Variants in ARB2A observed in about 807,000 individuals in gnomAD.
ARB2A encodes the protein ARB2 cotranscriptional regulator A, also known as cotranscriptional regulator ARB2A.
the ARB2A span, among the ~76,000 whole-genome samples, chr5:93,803,264 T>C: frequency 6.6e-6 from 1 of 152,196 alleles, no homozygotes; most frequent in Admixed American, 6.6e-5. Context: ...AAAAACATTA[T>C]ACATATAAAG....
chr5:93,801,913 T>G, the ARB2A span, among the ~76,000 whole-genome samples: 1 of 152,132 alleles, frequency 6.6e-6, no homozygotes, highest in East Asian at 1.9e-4. Flanking sequence ...ACAACCAAAA[T>G]TATAATTCAA....
At chr5:94,065,265 G>A in the ARB2A span, among the ~76,000 whole-genome samples, 2 of 152,308 alleles carry the variant, frequency 1.3e-5, no homozygotes, top group East Asian at 3.9e-4. Context: ...TGTAATCTCA[G>A]CACTTTGGGG....
chr5:93,883,792 C>A, the ARB2A span, among the ~76,000 whole-genome samples: 1 of 151,254 alleles, frequency 6.6e-6, no homozygotes, highest in African/African-American at 2.4e-5. Context: ...AAAAAGGTCA[C>A]CATAGGCCAA....
the ARB2A span, among the ~76,000 whole-genome samples, chr5:93,798,205 A>G: frequency 1.1e-3 from 174 of 152,226 alleles, no homozygotes; most frequent in Middle Eastern, 3.4e-3. Context: ...TGTGGGTGTC[A>G]TGATGAAATC....
the ARB2A span, among the ~76,000 whole-genome samples, chr5:93,831,299 T>TA: frequency 0.17 from 23,385 of 136,458 alleles, 2,417 homozygotes; most frequent in African/African-American, 0.28. Flanking sequence ...ACTCCGCTGC[T>TA]AAAAAAAAAA....
At chr5:94,071,567 A>C in the ARB2A span, among the ~76,000 whole-genome samples, 1 of 152,162 alleles carries the variant, frequency 6.6e-6, no homozygotes, top group African/African-American at 2.4e-5. Context: ...CCATTTAGAA[A>C]ATGGACAAAA....
chr5:93,881,706 A>C, the ARB2A span: 1 of 1,443,808 alleles, frequency 6.9e-7, no homozygotes. Flanking sequence ...GAAATGAAAG[A>C]AGGTAGCATA....
At chr5:94,038,358 G>A in the ARB2A span, among the ~76,000 whole-genome samples, 2 of 151,780 alleles carry the variant, frequency 1.3e-5, no homozygotes, top group Admixed American at 6.6e-5. Context: ...TACTAAAATG[G>A]TACTTTGAGA....
At chr5:93,795,244 G>A in the ARB2A span, among the ~76,000 whole-genome samples, 1 of 152,034 alleles carries the variant, frequency 6.6e-6, no homozygotes, top group South Asian at 2.1e-4. Flanking sequence ...AAAGCTGGCA[G>A]TCACAGGCCT....
the ARB2A span, among the ~76,000 whole-genome samples, chr5:93,908,998 T>A: frequency 6.6e-6 from 1 of 151,064 alleles, no homozygotes; most frequent in South Asian, 2.1e-4. Flanking sequence ...AACTTCAGAA[T>A]CTGAAATTTT....
the ARB2A span, among the ~76,000 whole-genome samples, chr5:94,054,021 A>T: frequency 1.3e-5 from 2 of 152,150 alleles, no homozygotes; most frequent in Non-Finnish European, 2.9e-5. Flanking sequence ...TGCCCACCTC[A>T]GCCTCCCAAA....
the ARB2A span, among the ~76,000 whole-genome samples, chr5:93,727,487 T>C: frequency 6.6e-6 from 1 of 152,088 alleles, no homozygotes; most frequent in Non-Finnish European, 1.5e-5. Context: ...CTCAGTGTTC[T>C]CAGAATAATT....
At chr5:93,987,056 T>C in the ARB2A span, among the ~76,000 whole-genome samples, 2 of 151,978 alleles carry the variant, frequency 1.3e-5, no homozygotes, top group Non-Finnish European at 2.9e-5. Context: ...TAACATTAAG[T>C]ATTGTTTATT....
the ARB2A span, among the ~76,000 whole-genome samples, chr5:94,018,475 T>G: frequency 6.6e-6 from 1 of 151,766 alleles, no homozygotes; most frequent in Non-Finnish European, 1.5e-5. Flanking sequence ...GATAATATAC[T>G]GTGTTATTAT....
the ARB2A span, among the ~76,000 whole-genome samples, chr5:93,836,396 GGC>G: frequency 3.3e-5 from 5 of 152,288 alleles, no homozygotes; most frequent in Non-Finnish European, 5.9e-5. Context: ...ACACAGATAT[GGC>G]TCTAATCCAG....
At chr5:93,935,178 C>T in the ARB2A span, among the ~76,000 whole-genome samples, 1 of 152,210 alleles carries the variant, frequency 6.6e-6, no homozygotes, top group African/African-American at 2.4e-5. Context: ...AAAAATTCCA[C>T]TACAAAACGC....
chr5:94,039,541 A>G, the ARB2A span, among the ~76,000 whole-genome samples: 1 of 152,216 alleles, frequency 6.6e-6, no homozygotes, highest in African/African-American at 2.4e-5. Context: ...CTTGTTCAGC[A>G]TATCATCAAG....
At chr5:93,851,821 T>C in the ARB2A span, among the ~76,000 whole-genome samples, 134 of 152,182 alleles carry the variant, frequency 8.8e-4, no homozygotes, top group Non-Finnish European at 1.4e-3. Context: ...CCATGGTGTA[T>C]ATATGCCACA....
At chr5:93,654,535 TATC>T in the ARB2A span, among the ~76,000 whole-genome samples, 1 of 152,224 alleles carries the variant, frequency 6.6e-6, no homozygotes, top group Non-Finnish European at 1.5e-5. Flanking sequence ...TCCTCTTAGA[TATC>T]ATGATATTTT....
Sources: gnomAD v4.1 joint callset for allele counts (sites outside exome capture counted in the v4.1 genomes callset) on GRCh38, gnomAD v4.1.1 for gene constraint, MANE v1.5 for transcripts, NCBI Gene and HGNC (gene_info 2026-07-23, HGNC 2026-07-21) for gene names.